PDIA4: variants seen among roughly 807,000 people sequenced by gnomAD.
PDIA4 encodes the protein protein disulfide isomerase family A member 4, also known as protein disulfide-isomerase A4.
A neutral mutation model predicts 62.1 loss-of-function variants in PDIA4; 33 were observed. The observed-to-expected ratio is 0.53, with a 90% CI of 0.40 to 0.71. The LOEUF (loss-of-function observed/expected upper bound fraction) is 0.71, where lower values mean the gene tolerates loss of function less well. Among genes scored for constraint, PDIA4 ranks in the 30% least tolerant of loss-of-function variants. PDIA4 has a pLI of 0.00. For synonymous variants in PDIA4, 341 were observed against 324.1 expected, an observed-to-expected ratio of 1.05 and a Z score of -0.56; for missense variants, 804 against 813.6, an observed-to-expected ratio of 0.99 and a Z score of 0.14.
At position 149,006,072 on chromosome 7, in the gene PDIA4, A is replaced by G; in HGVS notation, c.1132-19T>C. 1 of 1,541,918 alleles carries G rather than the reference A, an allele frequency of 6.5e-7. No individual in the cohort carries two copies. The highest frequency in any genetic ancestry group is 2.3e-5 in the Admixed American group (1 of 43,158). Reference sequence around the variant, plus strand: ...TGGAGCCCTGCTTCAAAGAGGGAACAGGTGAGGGGGCCCACCATCTCCCCA... The same window carrying G: ...TGGAGCCCTGCTTCAAAGAGGGAACGGGTGAGGGGGCCCACCATCTCCCCA... On this transcript the variant is annotated intron_variant, in intron 7 of 9. Transcript: ENST00000652332.
intron 6 of PDIA4, among the ~76,000 whole-genome samples, chr7:149,011,180 G>C (rs532665841): frequency 6.6e-6 from 1 of 152,134 alleles, no homozygotes; most frequent in Non-Finnish European, 1.5e-5. Context: ...TAGTGGGAGA[G>C]GGTAGCACTC....
At position 149,014,926 on chromosome 7, in the gene PDIA4, G is replaced by C; in HGVS notation, c.592C>G (p.Leu198Val). The change falls in exon 4 of 10, where the codon CTG becomes GTG. Residue 198 changes from leucine to valine, a missense_variant. Transcript: ENST00000652332. ...DEVVNDADII[L>V]VEFYAPWCGH... Reference sequence around the variant, plus strand: ...TACCATGGGGCATAAAACTCCACCAGAATGATATCTGCATCATTCACAACT... The same window carrying C: ...TACCATGGGGCATAAAACTCCACCACAATGATATCTGCATCATTCACAACT... The C allele has an allele frequency of 1.2e-6, 2 of 1,614,156 alleles. No individual in the cohort carries two copies. The highest frequency in any genetic ancestry group is 1.7e-6 in the Non-Finnish European group (2 of 1,179,990).
At position 149,005,357 on chromosome 7, in the gene PDIA4, T is replaced by A. The variant is rs1206534716; in HGVS notation, c.1306A>T (p.Ser436Cys). 3 of 1,613,894 alleles carry A rather than the reference T, an allele frequency of 1.9e-6. No individual in the cohort carries two copies. Among genetic ancestry groups the A allele is most frequent in the Non-Finnish European group, 1.7e-6 (2 of 1,179,860 alleles). Reference protein sequence around the residue: ...DYRAATQFWRSKVLEVAKDFP... With the variant: ...DYRAATQFWRCKVLEVAKDFP... ...TCCTTGGCCACCTCTAGGACTTTGC[T>A]CCGCCAAAACTGAGTTGCTGAAAGG... The change falls in exon 9 of 10, where the codon AGC (serine) becomes TGC (cysteine). Residue 436 changes from serine (S) to cysteine (C), a missense_variant. Transcript: ENST00000652332.
chr7:149,016,260 T>G (rs1446960885), intron 3 of PDIA4, among the ~76,000 whole-genome samples: 1 of 152,148 alleles, frequency 6.6e-6, no homozygotes, highest in African/African-American at 2.4e-5. Context: ...ATTGCACCAC[T>G]GCACACTCCA....
chr7:149,005,670 G>A (rs937632806), intron 8 of PDIA4, among the ~76,000 whole-genome samples: 4 of 152,146 alleles, frequency 2.6e-5, no homozygotes, highest in African/African-American at 9.7e-5. Context: ...TCTCAGCTAC[G>A]TCAACTCTAA....
At chr7:149,008,054 A>G in intron 7 of PDIA4, 105 bp downstream of exon 7, 1 of 1,099,160 alleles carries the variant, frequency 9.1e-7, no homozygotes, top group Non-Finnish European at 1.3e-6. Context: ...CAGACCCTGC[A>G]GACAAGAGCG....
intron 4 of PDIA4, 46 bp downstream of exon 4, chr7:149,014,858 T>C (rs2129504840): frequency 1.3e-6 from 2 of 1,599,082 alleles, no homozygotes; most frequent in East Asian, 4.5e-5. Flanking sequence ...CCGCACCTAG[T>C]GCCCACCAGG....
At chr7:149,019,275 TTGGTTTGGATG>T in intron 2 of PDIA4, 78 bp from the exon 3 acceptor site, 1 of 1,042,962 alleles carries the variant, frequency 9.6e-7, no homozygotes, top group South Asian at 1.3e-5. Context: ...ACATACCACT[TTGGTTTGGATG>T]TGGTTTGTCC....
chr7:149,021,095 T>G lies in PDIA4; in HGVS notation c.141A>C (p.Glu47Asp). 6.2e-7 allele frequency: 1 copy of G among 1,609,418 alleles called. No homozygotes were observed. Reference protein sequence around the residue: ...AIEDEEEEEEEDDDEEEDDLE... With the variant: ...AIEDEEEEEEDDDDEEEDDLE... ...AGTCGTCTTCTTCCTCATCATCATC[T>G]TCCTCCTCCTCCTCCTCTTCATCCT... The change falls in exon 2 of 10, where the codon GAA becomes GAC. Residue 47 changes from glutamate to aspartate, a missense_variant. Coordinates refer to ENST00000652332, the MANE Select transcript of PDIA4 (RefSeq NM_004911.5).
In PDIA4 at chr7:149,004,117, C is replaced by T. The variant is rs760704676; in HGVS notation, c.1615G>A (p.Val539Met). 1 of 1,614,150 alleles carries T rather than the reference C, an allele frequency of 6.2e-7. No individual in the cohort carries two copies. The change falls in exon 10 of 10, where the codon GTG (valine) becomes ATG (methionine). Residue 539 changes from valine to methionine, a missense_variant. Coordinates refer to ENST00000652332, the MANE Select transcript of PDIA4 (RefSeq NM_004911.5). The stretch of plus-strand genomic sequence containing the variant: ...AGGACGTCCTTCTTGGGGTCCATCA[C>T]AATGGAGTCAAAGGTCTTTCCCACC... ...VVVGKTFDSIVMDPKKDVLIE... is the reference protein window; with the variant it reads ...VVVGKTFDSIMMDPKKDVLIE...
In PDIA4 at chr7:149,005,215, CCA is replaced by C; in HGVS notation, c.1446_1447del (p.Ser482ArgfsTer12). Reference sequence around the variant, plus strand: ...CTCTGGCTCCATGGCGAACTTCTTCCCACTCTCGTCCAGGATGGCGGCATTGA... The same window carrying C: ...CTCTGGCTCCATGGCGAACTTCTTCCCTCTCGTCCAGGATGGCGGCATTGA... On this transcript the variant is annotated frameshift_variant, in exon 9 of 10. Transcript: ENST00000652332. LOFTEE classifies it high-confidence loss of function. 1 of 1,614,162 alleles carries C rather than the reference CCA, an allele frequency of 6.2e-7. No homozygotes were observed. The highest frequency in any genetic ancestry group is 8.5e-7 in the Non-Finnish European group (1 of 1,180,026).
At chr7:149,011,178 G>T (rs1823930745) in intron 6 of PDIA4, among the ~76,000 whole-genome samples, 1 of 152,202 alleles carries the variant, frequency 6.6e-6, no homozygotes, top group South Asian at 2.1e-4. Flanking sequence ...TGTAGTGGGA[G>T]AGGGTAGCAC....
At position 149,012,177 on chromosome 7, in the gene PDIA4, G is replaced by A. The variant is rs1823968026; in HGVS notation, c.798C>T (p.Tyr266=). ...KIFRKGRPYD[Y]NGPREKYGIV... is the part of the protein sequence containing the mutation. ...TACCATATTTTTCTCGTGGGCCGTT[G>A]TAGTCATAAGGCCTTCCTTTGCGGA... The change falls in exon 5 of 10, where the codon TAC becomes TAT. Residue 266 remains tyrosine (Y), a synonymous_variant. Coordinates refer to ENST00000652332, the MANE Select transcript of PDIA4 (RefSeq NM_004911.5). 5.6e-6 allele frequency: 9 copies of A among 1,614,024 alleles called. 1 individual carries two copies. The highest frequency in any genetic ancestry group is 4.4e-5 in the South Asian group (4 of 91,088).
rs1824072903 is a variant in PDIA4, at chr7:149,014,807, C to T, written c.614+97G>A. ...TGGCCTACAACTCGTGCCCACCTTG[C>T]TCCTCTGCTGTTCCTGCCTCACGGG... On this transcript the variant is annotated intron_variant, in intron 4 of 9. Transcript: ENST00000652332. 2.5e-6 allele frequency: 3 copies of T among 1,186,998 alleles called. No homozygotes were observed. The African/African-American group carries it at 4.6e-5, about 18-fold the overall frequency. 73.5% of individuals were successfully genotyped at this position (1,186,998 alleles called of 1,614,324 possible).
rs528681758 is a variant in PDIA4 at position 149,003,549 on chromosome 7, T to C, written c.*245A>G. ...AGAAATTAGAAGGTGTAAAAAAAAA[T>C]TTTTCAAACCCCAAATAATGATAAA... On this transcript the variant is annotated 3_prime_UTR_variant, in exon 10 of 10. Transcript: ENST00000652332. The C allele has an allele frequency of 8.3e-6, 3 of 362,108 alleles. No individual in the cohort carries two copies. Among genetic ancestry groups the C allele is most frequent in the Non-Finnish European group, 1.5e-5 (3 of 204,520 alleles). The allele number at this position is 362,108 out of a possible 1,614,324, so 22.4% of individuals were successfully genotyped here.
intron 4 of PDIA4, among the ~76,000 whole-genome samples, chr7:149,012,718 G>A (rs4727007): frequency 0.91 from 138,600 of 152,148 alleles, 64,201 homozygotes; most frequent in Non-Finnish European, 1. Flanking sequence ...CAGCAAGGAT[G>A]TAAGTCATAG....
intron 4 of PDIA4, 69 bp from the exon 5 acceptor site, chr7:149,012,429 G>A: frequency 1.5e-6 from 2 of 1,346,148 alleles, no homozygotes; most frequent in Admixed American, 1.9e-5. Flanking sequence ...TAAATGAGCT[G>A]CAGAAACCCA....
At chr7:149,004,239 G>T in intron 9 of PDIA4, 30 bp from the exon 10 acceptor site, 3 of 1,591,488 alleles carry the variant, frequency 1.9e-6, no homozygotes, top group Non-Finnish European at 2.6e-6. Flanking sequence ...GGGAGGGGGC[G>T]TCAGTGCTGC....
At chr7:149,025,421 A>G (rs997583942) in intron 1 of PDIA4, among the ~76,000 whole-genome samples, 2 of 152,194 alleles carry the variant, frequency 1.3e-5, no homozygotes, top group African/African-American at 4.8e-5. Flanking sequence ...CATTCAGCCA[A>G]TACTGAAGAG....
Sources: gnomAD v4.1 joint callset for allele counts (sites outside exome capture counted in the v4.1 genomes callset) on GRCh38, gnomAD v4.1.1 for gene constraint, MANE v1.5 for transcripts, NCBI Gene and HGNC (gene_info 2026-07-23, HGNC 2026-07-21) for gene names.